The following C6orf89 variants were observed in gnomAD, a reference collection of about 807,000 sequenced individuals.
C6orf89 encodes the protein chromosome 6 open reading frame 89.
A neutral mutation model predicts 40.7 loss-of-function variants in C6orf89; 29 were observed. That is an observed-to-expected ratio of 0.71 (90% CI 0.53 to 0.97). The LOEUF is 0.97. Among genes scored for constraint, C6orf89 ranks in the 50% least tolerant of loss-of-function variants. C6orf89 has a pLI of 0.00. For missense variants in C6orf89, 392 were observed against 429.1 expected (o/e 0.91, Z 0.76); for synonymous variants, 165 against 152.2 (o/e 1.08, Z -0.62).
In C6orf89 at chr6:36,923,392, G is replaced by T. The variant is rs746308613; in HGVS notation, c.995G>T (p.Gly332Val). 1.2e-6 allele frequency: 2 copies of T among 1,614,188 alleles called. No individual in the cohort carries two copies. The highest frequency in any genetic ancestry group is 1.3e-5 in the African/African-American group (1 of 75,052). The change falls in exon 9 of 9, where the codon GGG becomes GTG. Residue 332 changes from glycine (G) to valine (V), a missense_variant. Gly to Val is a moderately radical substitution (Grantham distance 109). Transcript: ENST00000480824. ...THWKVYVIAR[G>V]VQPLVICDGT... is the part of the protein sequence containing the mutation. ...TGGAAGGTCTACGTTATAGCCAGAG[G>T]GGTCCAGCCTTTGGTCATCTGCGAT...
At position 36,916,502 on chromosome 6, in the gene C6orf89, C is replaced by A. The variant is rs1561875094; in HGVS notation, c.753C>A (p.His251Gln). 1 of 1,614,204 alleles carries A rather than the reference C, an allele frequency of 6.2e-7. No individual in the cohort carries two copies. The highest frequency in any genetic ancestry group is 8.5e-7 in the Non-Finnish European group (1 of 1,180,028). Residue 251 changes from histidine (H) to glutamine (Q), a missense_variant, in exon 7 of 9, where the codon CAC becomes CAA. By Grantham distance (24) the His-to-Gln change is conservative. Coordinates refer to ENST00000480824, the MANE Select transcript of C6orf89 (RefSeq NM_001286635.2). ...GTGAGCTTTTTCCTGTTTTCACTCA[C>A]CTGCCATTTCCAAAAGATGCCTCTT... ...MLRELFPVFT[H>Q]LPFPKDASLN...
At chr6:36,918,780 G>T (rs1427186581) in intron 7 of C6orf89, among the ~76,000 whole-genome samples, 1 of 152,152 alleles carries the variant, frequency 6.6e-6, no homozygotes, top group Non-Finnish European at 1.5e-5. Flanking sequence ...CCTATTCCTT[G>T]CCCTGGTCCC....
At chr6:36,898,225 G>A (rs1051208250) in intron 2 of C6orf89, among the ~76,000 whole-genome samples, 7 of 151,780 alleles carry the variant, frequency 4.6e-5, no homozygotes, top group Admixed American at 4.6e-4. Context: ...TGGGACTACA[G>A]GTGTGTGCCA....
intron 3 of C6orf89, among the ~76,000 whole-genome samples, chr6:36,901,318 A>ATTTTTTTTTTTTTT (rs1408790414): frequency 2.3e-4 from 15 of 65,110 alleles, no homozygotes; most frequent in East Asian, 7.3e-4. Context: ...TATTATTATT[A>ATTTTTTTTTTTTTT]TTATTTTTTT....
intron 6 of C6orf89, 143 bp from the exon 7 acceptor site, chr6:36,916,302 G>A: frequency 1.3e-6 from 1 of 796,776 alleles, no homozygotes; most frequent in Non-Finnish European, 2.0e-6. Context: ...TATTCTTCAG[G>A]GACCTAGTAC....
At chr6:36,872,839 G>C (rs1181707696) in intron 1 of C6orf89, among the ~76,000 whole-genome samples, 1 of 152,026 alleles carries the variant, frequency 6.6e-6, no homozygotes, top group African/African-American at 2.4e-5. Flanking sequence ...TGAACTCCTG[G>C]GCTCAAGCAA....
rs923760300 is a variant in C6orf89, at chr6:36,923,636, G to A, written c.*195G>A. The A allele has an allele frequency of 1.9e-5, 12 of 620,168 alleles. No homozygotes were observed. Among genetic ancestry groups the A allele is most frequent in the African/African-American group, 9.1e-5 (5 of 55,086 alleles). 38.4% of individuals were successfully genotyped at this position (620,168 alleles called of 1,614,324 possible). ...CGCCCTCCTGACTCTTCCTGCAGGT[G>A]GCTCAGGAAGGATTCAGCCTGGCCA... On this transcript the variant is annotated 3_prime_UTR_variant, in exon 9 of 9. Coordinates refer to ENST00000480824, the MANE Select transcript of C6orf89 (RefSeq NM_001286635.2).
intron 4 of C6orf89, 123 bp downstream of exon 4, chr6:36,902,557 G>T: frequency 1.2e-6 from 1 of 817,602 alleles, no homozygotes; most frequent in Non-Finnish European, 1.9e-6. Context: ...TTTTAATTCA[G>T]TCCCCACTAA....
At chr6:36,922,962 G>C (rs984294896) in intron 8 of C6orf89, among the ~76,000 whole-genome samples, 1 of 152,156 alleles carries the variant, frequency 6.6e-6, no homozygotes, top group Admixed American at 6.5e-5. Flanking sequence ...GTGAGGGGTG[G>C]TGATAAAGCA....
In C6orf89 at chr6:36,880,214, C is replaced by T. The variant is rs1032062714; in HGVS notation, c.-503+1082C>T. ...TTTAAAAGGACTTTATTAAAGAGTG[C>T]TATGCTTAAAAGTCAGGTTAATTAA... On this transcript the variant is annotated intron_variant, in intron 2 of 9. Coordinates refer to the C6orf89 transcript ENST00000359359. Among the ~76,000 whole-genome samples the T allele has an allele frequency of 4.8e-4, 73 of 152,190 alleles. 1 individual carries two copies. The highest frequency in any genetic ancestry group is 1.0e-4 in the Non-Finnish European group (7 of 68,036).
At chr6:36,912,877 C>A (rs562545995) in intron 4 of C6orf89, among the ~76,000 whole-genome samples, 1 of 152,298 alleles carries the variant, frequency 6.6e-6, no homozygotes, top group South Asian at 2.1e-4. Context: ...TTACTGCCAA[C>A]CACAGAAAAT....
chr6:36,915,555 A>G (rs1254914517), intron 6 of C6orf89, among the ~76,000 whole-genome samples: 1 of 152,150 alleles, frequency 6.6e-6, no homozygotes, highest in African/African-American at 2.4e-5. Context: ...CAGCCCAGGC[A>G]ACATAGGGAG....
rs1358100481 is a variant in C6orf89, at chr6:36,894,619, T to A, written c.-20+16T>A. On this transcript the variant is annotated intron_variant, in intron 2 of 8. Coordinates refer to ENST00000480824, the MANE Select transcript of C6orf89 (RefSeq NM_001286635.2). ...AAATAACTTGGTAAGGGAGGCAGCATGCAACAACCCTGAAGTCAGGACACT... is the reference window on the plus strand; with the variant it reads ...AAATAACTTGGTAAGGGAGGCAGCAAGCAACAACCCTGAAGTCAGGACACT... 7.3e-6 allele frequency: 7 copies of A among 952,902 alleles called. No individual in the cohort carries two copies. In the African/African-American group the frequency reaches 1.2e-4, roughly 17 times the overall value. The allele number at this position is 952,902 out of a possible 1,614,324, so 59.0% of individuals were successfully genotyped here. A position where few individuals can be genotyped will look rare whatever the true frequency, so the allele number is the denominator to read the frequency against.
chr6:36,919,318 TCA>T (rs1440606538), intron 7 of C6orf89, among the ~76,000 whole-genome samples: 1 of 152,220 alleles, frequency 6.6e-6, no homozygotes, highest in Admixed American at 6.5e-5. Flanking sequence ...GCCCACTAAA[TCA>T]CACAGTGCCT....
intron 1 of C6orf89, chr6:36,874,928 A>G: frequency 1.3e-6 from 1 of 755,702 alleles, no homozygotes; most frequent in Non-Finnish European, 2.1e-6. Context: ...CCTTCTTCCA[A>G]TGCCGGGAAG....
intron 2 of C6orf89, among the ~76,000 whole-genome samples, chr6:36,897,932 C>A (rs1183227836): frequency 6.6e-6 from 1 of 151,978 alleles, no homozygotes; most frequent in Non-Finnish European, 1.5e-5. Flanking sequence ...ATAAAAGGAC[C>A]CTCTGTATTG....
chr6:36,895,934 A>G (rs1332081529), intron 2 of C6orf89, among the ~76,000 whole-genome samples: 1 of 152,216 alleles, frequency 6.6e-6, no homozygotes, highest in Non-Finnish European at 1.5e-5. Flanking sequence ...GCTGTTTTCC[A>G]TAGTGGCTGT....
chr6:36,895,700 G>A lies in C6orf89; in HGVS notation c.-20+1097G>A, dbSNP rs7757632. Among the ~76,000 whole-genome samples, 215 of 152,086 alleles carry A rather than the reference G, an allele frequency of 1.4e-3. 1 individual carries two copies. The highest frequency in any genetic ancestry group is 2.6e-3 in the African/African-American group (106 of 41,422). ...GTACTGCATTCCTTTTTATCGTCCA[G>A]TGATTTTGCATTATATGGCTCTACC... On this transcript the variant is annotated intron_variant, in intron 2 of 8. Coordinates refer to ENST00000480824, the MANE Select transcript of C6orf89 (RefSeq NM_001286635.2).
rs866740793 is a variant in C6orf89, at chr6:36,923,860, C to T, written c.*419C>T. Reference sequence around the variant, plus strand: ...AGCCATCCTTTACCAGGTGGGCCTGCTTGTCCCTGTCTTGCCTGCCACATC... The same window carrying T: ...AGCCATCCTTTACCAGGTGGGCCTGTTTGTCCCTGTCTTGCCTGCCACATC... On this transcript the variant is annotated 3_prime_UTR_variant, in exon 9 of 9. Coordinates refer to ENST00000480824, the MANE Select transcript of C6orf89 (RefSeq NM_001286635.2). 3 of 277,394 alleles carry T rather than the reference C, an allele frequency of 1.1e-5. No individual in the cohort carries two copies. Among genetic ancestry groups the T allele is most frequent in the South Asian group, 7.3e-5 (2 of 27,216 alleles). The allele number at this position is 277,394 out of a possible 1,614,324, so 17.2% of individuals were successfully genotyped here.
Sources: gnomAD v4.1 joint callset for allele counts (sites outside exome capture counted in the v4.1 genomes callset) on GRCh38, gnomAD v4.1.1 for gene constraint, MANE v1.5 for transcripts, NCBI Gene and HGNC (gene_info 2026-07-23, HGNC 2026-07-21) for gene names.